Variants in FLT1 observed in about 807,000 individuals in gnomAD.
FLT1 encodes vascular endothelial growth factor receptor 1.
A neutral mutation model predicts 156.3 loss-of-function variants in FLT1; 49 were observed. That is an observed-to-expected ratio of 0.31 (90% CI 0.25 to 0.40). FLT1 has a LOEUF of 0.40. FLT1 is among the 10% of genes least tolerant of loss of function. The pLI is 1.00. For missense variants in FLT1, 1,322 were observed against 1,637.2 expected, an observed-to-expected ratio of 0.81 and a Z score of 3.32; for synonymous variants, 594 against 583.8, an observed-to-expected ratio of 1.02 and a Z score of -0.25.
chr13:28,405,903 A>G lies in FLT1; in HGVS notation c.1437-9T>C. On this transcript the variant is annotated splice_polypyrimidine_tract_variant and intron_variant, in intron 10 of 29. Coordinates refer to ENST00000282397, the MANE Select transcript of FLT1 (RefSeq NM_002019.4). Reference sequence around the variant, plus strand: ...TGGAACAAAAGTCACACCTATTAAAAAAAAAAGTTGTCACAATGTGGCTTT... The same window carrying G: ...TGGAACAAAAGTCACACCTATTAAAGAAAAAAGTTGTCACAATGTGGCTTT... The G allele has an allele frequency of 6.7e-7, 1 of 1,492,408 alleles. No homozygotes were observed. The highest frequency in any genetic ancestry group is 1.4e-5 in the African/African-American group (1 of 72,646). The allele number at this position is 1,492,408 out of a possible 1,614,324, so 92.4% of individuals were successfully genotyped here.
At chr13:28,311,827 A>C in intron 26 of FLT1, 95 bp from the exon 27 acceptor site, 1 of 1,413,290 alleles carries the variant, frequency 7.1e-7, no homozygotes, top group South Asian at 1.2e-5. Flanking sequence ...CATTTGCACA[A>C]TCTTGGTTGT....
At chr13:28,315,085 G>A (rs1871146667) in intron 25 of FLT1, among the ~76,000 whole-genome samples, 1 of 152,146 alleles carries the variant, frequency 6.6e-6, no homozygotes, top group South Asian at 2.1e-4. Flanking sequence ...ACCAACGCAG[G>A]CTTGAGCAAA....
At chr13:28,457,381 G>A (rs768242759) in intron 3 of FLT1, among the ~76,000 whole-genome samples, 10 of 151,822 alleles carry the variant, frequency 6.6e-5, no homozygotes, top group Non-Finnish European at 1.0e-4. Flanking sequence ...GTGAGTATCC[G>A]AACAGGGATT....
chr13:28,457,775 T>C (rs1329569126), intron 3 of FLT1, among the ~76,000 whole-genome samples: 2 of 152,138 alleles, frequency 1.3e-5, no homozygotes, highest in Admixed American at 6.5e-5. Flanking sequence ...AAAGATCACT[T>C]GAGGGAGAGT....
At chr13:28,329,826 G>C (rs1479015303) in intron 18 of FLT1, 98 bp from the exon 19 acceptor site, 5 of 982,218 alleles carry the variant, frequency 5.1e-6, no homozygotes, top group Non-Finnish European at 7.9e-6. Flanking sequence ...ATGCTCAGCC[G>C]GTTGCTTCAC....
intron 3 of FLT1, among the ~76,000 whole-genome samples, chr13:28,456,515 C>T (rs1160997): frequency 0.073 from 11,153 of 151,910 alleles, 476 homozygotes; most frequent in South Asian, 0.12. Flanking sequence ...AAGTGTTTGC[C>T]GGCCGGGCAC....
chr13:28,316,422 C>T (rs1871207005), intron 25 of FLT1, among the ~76,000 whole-genome samples: 4 of 152,242 alleles, frequency 2.6e-5, no homozygotes, highest in Admixed American at 2.6e-4. Context: ...CTCAGGGAGG[C>T]CCAAGTCCTT....
chr13:28,360,021 G>T (rs1873050742), intron 14 of FLT1, among the ~76,000 whole-genome samples: 1 of 146,994 alleles, frequency 6.8e-6, no homozygotes, highest in African/African-American at 2.5e-5. Context: ...TGCAGCAGGA[G>T]AATCACTTGA....
At chr13:28,467,242 A>C (rs1668565321) in intron 2 of FLT1, 113 bp from the exon 3 acceptor site, 3 of 829,738 alleles carry the variant, frequency 3.6e-6, no homozygotes, top group Admixed American at 3.6e-5. Context: ...AAGTGTAGTC[A>C]TCTTCCTCTT....
chr13:28,333,578 G>C (rs999685120), intron 18 of FLT1, among the ~76,000 whole-genome samples: 1 of 152,172 alleles, frequency 6.6e-6, no homozygotes, highest in Admixed American at 6.5e-5. Context: ...ATAGTTTAGA[G>C]TTCTGATCAA....
At position 28,303,493 on chromosome 13, in the gene FLT1, C is replaced by CG. The variant is rs1555297819; in HGVS notation, c.3816-126_3816-125insC. ...CTGTCTAGAGTTCATGGTTTTGGAA[C>CG]CCCCCCCCCCTCAATTGCTGTCAGA... is the stretch of plus-strand genomic sequence containing the variant. On this transcript the variant is annotated intron_variant, in intron 29 of 29. Coordinates refer to ENST00000282397, the MANE Select transcript of FLT1 (RefSeq NM_002019.4). 9 of 321,400 alleles carry CG rather than the reference C, an allele frequency of 2.8e-5. No individual in the cohort carries two copies. In the African/African-American group the frequency reaches 6.5e-4, roughly 23 times the overall value. The allele number at this position is 321,400 out of a possible 1,614,324, so 19.9% of individuals were successfully genotyped here.
At chr13:28,473,933 G>T (rs909227232) in intron 1 of FLT1, among the ~76,000 whole-genome samples, 1 of 152,048 alleles carries the variant, frequency 6.6e-6, no homozygotes, top group Non-Finnish European at 1.5e-5. Context: ...GTATTATTTG[G>T]CAATAAAAAG....
intron 24 of FLT1, among the ~76,000 whole-genome samples, chr13:28,318,270 G>C (rs976248187): frequency 6.6e-6 from 1 of 152,154 alleles, no homozygotes; most frequent in African/African-American, 2.4e-5. Context: ...CTGAGGGAAG[G>C]GGGGCTTTGC....
Position 28,321,691 on chromosome 13 carries a change from T to A in FLT1, c.3052-106A>T. 2.6e-6 allele frequency: 3 copies of A among 1,163,960 alleles called. No individual in the cohort carries two copies. The East Asian group carries it at 7.1e-5, about 28-fold the overall frequency. 72.1% of individuals were successfully genotyped at this position (1,163,960 alleles called of 1,614,324 possible). A position where few individuals can be genotyped will look rare whatever the true frequency, so the allele number is the denominator to read the frequency against. On this transcript the variant is annotated intron_variant, in intron 22 of 29. Coordinates refer to ENST00000282397, the MANE Select transcript of FLT1 (RefSeq NM_002019.4). The stretch of plus-strand genomic sequence containing the variant: ...TAATTTGGGAATCCATTTCACATGC[T>A]GTGAAGGGAGCACCTCTCGGTGCAC...
intron 3 of FLT1, among the ~76,000 whole-genome samples, chr13:28,446,690 A>G (rs9508037): frequency 0.32 from 48,457 of 152,040 alleles, 7,955 homozygotes; most frequent in East Asian, 0.38. Context: ...TTCATGGATT[A>G]GAAGACTTAA....
chr13:28,420,183 G>A (rs990890708), intron 10 of FLT1, among the ~76,000 whole-genome samples: 4 of 152,116 alleles, frequency 2.6e-5, no homozygotes, highest in Admixed American at 6.6e-5. Context: ...GCACTTCCTC[G>A]TCCAGTAATT....
At chr13:28,483,169 A>G (rs1880957551) in intron 1 of FLT1, among the ~76,000 whole-genome samples, 1 of 152,248 alleles carries the variant, frequency 6.6e-6, no homozygotes, top group South Asian at 2.1e-4. Context: ...GTGGAAAAAG[A>G]GAGTTAAACA....
At chr13:28,446,972 A>G (rs2062186099) in intron 3 of FLT1, among the ~76,000 whole-genome samples, 1 of 152,112 alleles carries the variant, frequency 6.6e-6, no homozygotes, top group African/African-American at 2.4e-5. Context: ...GACTCCAGAG[A>G]TGAACCCATG....
intron 29 of FLT1, 28 bp downstream of exon 29, chr13:28,306,650 G>A (rs770156370): frequency 6.6e-7 from 1 of 1,514,992 alleles, no homozygotes; most frequent in African/African-American, 1.4e-5. Flanking sequence ...TCCATCAACT[G>A]ATCACAGAAA....
Sources: gnomAD v4.1 joint callset for allele counts (sites outside exome capture counted in the v4.1 genomes callset) on GRCh38, gnomAD v4.1.1 for gene constraint, MANE v1.5 for transcripts, NCBI Gene and HGNC (gene_info 2026-07-23, HGNC 2026-07-21) for gene names.